COL12A1: variants seen among roughly 807,000 people sequenced by gnomAD.
COL12A1 encodes the protein collagen type XII alpha 1 chain, also known as collagen alpha-1(XII) chain.
In COL12A1, 114 loss-of-function variants were observed where a neutral mutation model predicts 349.7. That is an observed-to-expected ratio of 0.33 (90% CI 0.28 to 0.38). COL12A1 has a LOEUF of 0.38. Among genes scored for constraint, COL12A1 ranks in the 10% least tolerant of loss-of-function variants. The probability of loss-of-function intolerance (pLI) is 1.00; values close to 1 mark genes in which losing one functional copy is unlikely to be tolerated. For synonymous variants in COL12A1, 1,369 were observed against 1,329.0 expected (o/e 1.03, Z -0.66); for missense variants, 3,284 against 3,756.9 (o/e 0.87, Z 3.29).
intron 58 of COL12A1, among the ~76,000 whole-genome samples, chr6:75,099,274 G>T (rs773678666): frequency 3.9e-5 from 6 of 152,156 alleles, no homozygotes; most frequent in Non-Finnish European, 8.8e-5. Flanking sequence ...TTTTCCGGAA[G>T]ATCTAGGCCT....
At chr6:75,124,173 A>G in intron 41 of COL12A1, 79 bp from the exon 42 acceptor site, 1 of 1,595,242 alleles carries the variant, frequency 6.3e-7, no homozygotes, top group South Asian at 1.1e-5. Flanking sequence ...ATTGTTATAA[A>G]CAAAATGGCA....
intron 17 of COL12A1, 50 bp from the exon 18 acceptor site, chr6:75,152,532 G>A: frequency 6.2e-7 from 1 of 1,606,656 alleles, no homozygotes; most frequent in Non-Finnish European, 8.5e-7. Context: ...TTGTTGGCAA[G>A]GGTACTTCCT....
At chr6:75,158,703 A>G (rs1289001407) in intron 14 of COL12A1, among the ~76,000 whole-genome samples, 2 of 152,102 alleles carry the variant, frequency 1.3e-5, no homozygotes, top group Non-Finnish European at 2.9e-5. Context: ...AAAAGACTCA[A>G]ATTAAACTTC....
At chr6:75,092,053 C>G (rs944661933) in intron 60 of COL12A1, among the ~76,000 whole-genome samples, 1 of 152,096 alleles carries the variant, frequency 6.6e-6, no homozygotes, top group African/African-American at 2.4e-5. Flanking sequence ...ATAAAAGAAA[C>G]TGGGTTGAAG....
Position 75,109,101 on chromosome 6 carries a change from C to A in COL12A1, c.8017G>T (p.Asp2673Tyr), listed in dbSNP as rs1251920797. The A allele has an allele frequency of 1.2e-6, 2 of 1,610,260 alleles. No homozygotes were observed. The highest frequency in any genetic ancestry group is 1.7e-6 in the Non-Finnish European group (2 of 1,177,258). Residue 2673 changes from aspartate (D) to tyrosine (Y), a missense_variant, in exon 52 of 66, where the codon GAC becomes TAC. Physicochemically the swap from Asp to Tyr is radical, Grantham distance 160. Coordinates refer to ENST00000322507, the MANE Select transcript of COL12A1 (RefSeq NM_004370.6). ...YIDCYEIIEK[D>Y]IKEAGNITTD... The stretch of plus-strand genomic sequence containing the variant: ...GTTATATTTCCAGCTTCCTTGATGT[C>A]TTTTTCTATAATTTCATAGCAGTCA...
intron 21 of COL12A1, among the ~76,000 whole-genome samples, chr6:75,149,839 A>T (rs1011253886): frequency 4.6e-5 from 7 of 152,046 alleles, no homozygotes; most frequent in African/African-American, 1.2e-4. Context: ...TTCATTTTTT[A>T]AAAAAAGCAA....
chr6:75,180,571 C>CATATATATATATATATATATATATATAT (rs1014346865), intron 11 of COL12A1, among the ~76,000 whole-genome samples: 8 of 150,832 alleles, frequency 5.3e-5, no homozygotes, highest in African/African-American at 1.7e-4. Context: ...CCTATATATA[C>CATATATATATATATATATATATATATAT]ATATATATAT....
intron 52 of COL12A1, among the ~76,000 whole-genome samples, chr6:75,108,070 C>CATTGATTG (rs112482209): frequency 4.7e-4 from 71 of 151,880 alleles, no homozygotes; most frequent in African/African-American, 1.6e-3. Context: ...TATTGATTGA[C>CATTGATTG]ATTGATTGAT....
At chr6:75,140,655 C>CAAAAAAAAAAAAAAAAAAAA (rs1236499281) in intron 27 of COL12A1, among the ~76,000 whole-genome samples, 7 of 46,126 alleles carry the variant, frequency 1.5e-4, no homozygotes, top group East Asian at 1.2e-3. Flanking sequence ...GACTCTGTCT[C>CAAAAAAAAAAAAAAAAAAAA]AAAAAAAAAA....
chr6:75,166,387 C>G (rs922776571), intron 13 of COL12A1, among the ~76,000 whole-genome samples: 5 of 152,102 alleles, frequency 3.3e-5, no homozygotes, highest in African/African-American at 1.2e-4. Flanking sequence ...TGAAAACAAC[C>G]AATTCTTCTG....
intron 2 of COL12A1, among the ~76,000 whole-genome samples, chr6:75,202,211 G>A (rs980195588): frequency 2.0e-5 from 3 of 152,208 alleles, no homozygotes; most frequent in African/African-American, 4.8e-5. Context: ...CCGCCCCGCC[G>A]ACTGAGCTCC....
chr6:75,177,533 A>C (rs1438076140), intron 12 of COL12A1, 130 bp downstream of exon 12: 2 of 1,090,616 alleles, frequency 1.8e-6, no homozygotes, highest in African/African-American at 1.6e-5. Flanking sequence ...ATCTAAAAGG[A>C]CTATGGTCTA....
At chr6:75,115,988 A>C in intron 48 of COL12A1, 31 bp downstream of exon 48, 1 of 1,612,864 alleles carries the variant, frequency 6.2e-7, no homozygotes, top group Non-Finnish European at 8.5e-7. Flanking sequence ...TAAATCTGGA[A>C]ATTAATTTGC....
intron 13 of COL12A1, among the ~76,000 whole-genome samples, chr6:75,174,594 C>A (rs1237058833): frequency 6.6e-6 from 1 of 152,092 alleles, no homozygotes; most frequent in Non-Finnish European, 1.5e-5. Context: ...ATTTCTTGAG[C>A]TTTTATGCAT....
intron 34 of COL12A1, 86 bp from the exon 35 acceptor site, chr6:75,132,168 G>T: frequency 1.4e-6 from 2 of 1,478,090 alleles, no homozygotes; most frequent in South Asian, 2.5e-5. Context: ...CCTACATTCT[G>T]TAACAGGATA....
chr6:75,154,287 G>A, intron 17 of COL12A1, 129 bp downstream of exon 17: 1 of 1,135,340 alleles, frequency 8.8e-7, no homozygotes, highest in Non-Finnish European at 1.2e-6. Flanking sequence ...TGCTAAGTAT[G>A]TAAATTATTG....
rs1473576494 is a variant in COL12A1 at position 75,117,544 on chromosome 6, AC to A, written c.7356del (p.Phe2453SerfsTer5). 1 of 1,612,956 alleles carries A rather than the reference AC, an allele frequency of 6.2e-7. No individual in the cohort carries two copies. Among genetic ancestry groups the A allele is most frequent in the Non-Finnish European group, 8.5e-7 (1 of 1,179,270 alleles). On this transcript the variant is annotated frameshift_variant and splice_region_variant, in exon 47 of 66. Coordinates refer to ENST00000322507, the MANE Select transcript of COL12A1 (RefSeq NM_004370.6). LOFTEE classifies it high-confidence loss of function. ...GCCACACCAACTACAAAGACACTGA[AC>A]CCTGCAAAGTAGCATTTATAGAATG... ...KKAALVIQQS[G>X]FSVFVVGVAD...
intron 7 of COL12A1, 39 bp downstream of exon 7, chr6:75,189,178 G>A (rs763707045): frequency 6.3e-7 from 1 of 1,594,364 alleles, no homozygotes; most frequent in Non-Finnish European, 8.6e-7. Flanking sequence ...TATACTGTAG[G>A]AGTTGTAAAA....
intron 34 of COL12A1, among the ~76,000 whole-genome samples, chr6:75,132,426 A>G (rs1766354033): frequency 6.6e-6 from 1 of 152,210 alleles, no homozygotes; most frequent in Non-Finnish European, 1.5e-5. Flanking sequence ...GGAAGAAGAG[A>G]CATTTTTTAA....
Sources: gnomAD v4.1 joint callset for allele counts (sites outside exome capture counted in the v4.1 genomes callset) on GRCh38, gnomAD v4.1.1 for gene constraint, MANE v1.5 for transcripts, NCBI Gene and HGNC (gene_info 2026-07-23, HGNC 2026-07-21) for gene names.